Variants in ST3GAL3 observed in about 807,000 individuals in gnomAD.
ST3GAL3 encodes ST3 beta-galactoside alpha-2,3-sialyltransferase 3, also known as CMP-N-acetylneuraminate-beta-1,4-galactoside alpha-2,3-sialyltransferase.
A neutral mutation model predicts 50.1 loss-of-function variants in ST3GAL3; 21 were observed. The observed-to-expected ratio is 0.42, with a 90% CI of 0.30 to 0.60. The LOEUF is 0.60. Among genes scored for constraint, ST3GAL3 ranks in the 20% least tolerant of loss-of-function variants. The pLI, the probability that ST3GAL3 is intolerant of heterozygous loss-of-function variation, is 0.19. For synonymous variants in ST3GAL3, 183 were observed against 190.0 expected, an observed-to-expected ratio of 0.96 and a Z score of 0.30; for missense variants, 353 against 489.4, an observed-to-expected ratio of 0.72 and a Z score of 2.63.
chr1:43,864,424 C>T (rs972153462), intron 5 of ST3GAL3, among the ~76,000 whole-genome samples: 2 of 152,174 alleles, frequency 1.3e-5, no homozygotes, highest in Non-Finnish European at 2.9e-5. Context: ...GACACCTGTG[C>T]TGCCTATTGG....
At chr1:43,902,782 C>T (rs1195553133) in intron 9 of ST3GAL3, among the ~76,000 whole-genome samples, 2 of 152,186 alleles carry the variant, frequency 1.3e-5, no homozygotes, top group Non-Finnish European at 2.9e-5. Flanking sequence ...CTCAGAGGTG[C>T]CTCTGCAGTC....
At chr1:43,713,490 A>G (rs945285672) in intron 1 of ST3GAL3, among the ~76,000 whole-genome samples, 1 of 151,004 alleles carries the variant, frequency 6.6e-6, no homozygotes, top group African/African-American at 2.4e-5. Flanking sequence ...CTAGTCTTAA[A>G]TCTCACTACC....
intron 5 of ST3GAL3, among the ~76,000 whole-genome samples, chr1:43,854,285 T>A (rs899729821): frequency 3.3e-5 from 5 of 152,142 alleles, no homozygotes; most frequent in African/African-American, 1.2e-4. Flanking sequence ...CTCTCGCTTC[T>A]CTCCTCCTCA....
At chr1:43,873,090 A>G (rs1354275619) in intron 5 of ST3GAL3, among the ~76,000 whole-genome samples, 1 of 152,200 alleles carries the variant, frequency 6.6e-6, no homozygotes, top group Non-Finnish European at 1.5e-5. Context: ...GATTTGGAGC[A>G]GAGGAGTGAC....
intron 9 of ST3GAL3, among the ~76,000 whole-genome samples, chr1:43,906,050 C>G (rs558815219): frequency 8.3e-6 from 1 of 120,014 alleles, no homozygotes; most frequent in African/African-American, 3.2e-5. Context: ...CCCCCTCCCC[C>G]TCCTGCTCCT....
chr1:43,866,972 A>G (rs2071470444), intron 5 of ST3GAL3, among the ~76,000 whole-genome samples: 1 of 152,304 alleles, frequency 6.6e-6, no homozygotes, highest in African/African-American at 2.4e-5. Flanking sequence ...TCTACTAAAA[A>G]TACAAAAATT....
intron 5 of ST3GAL3, among the ~76,000 whole-genome samples, chr1:43,874,226 C>A (rs1570396265): frequency 6.6e-6 from 1 of 152,172 alleles, no homozygotes; most frequent in East Asian, 1.9e-4. Context: ...CCAGGCAAAT[C>A]ACAATGTATG....
At chr1:43,880,417 T>G (rs941717292) in intron 5 of ST3GAL3, among the ~76,000 whole-genome samples, 8 of 152,080 alleles carry the variant, frequency 5.3e-5, no homozygotes, top group Non-Finnish European at 1.2e-4. Context: ...CTCCTCCCTT[T>G]CCACGGAAAA....
intron 1 of ST3GAL3, among the ~76,000 whole-genome samples, chr1:43,710,820 C>G (rs1664358737): frequency 6.6e-6 from 1 of 152,188 alleles, no homozygotes; most frequent in South Asian, 2.1e-4. Flanking sequence ...TCTAGATGAG[C>G]TGTCTCTCTT....
chr1:43,870,756 G>A (rs1401000190), intron 5 of ST3GAL3, among the ~76,000 whole-genome samples: 1 of 152,096 alleles, frequency 6.6e-6, no homozygotes, highest in African/African-American at 2.4e-5. Context: ...CTTGAAGCTA[G>A]GGGGAGACAT....
At chr1:43,836,943 A>G (rs2064438260) in intron 4 of ST3GAL3, among the ~76,000 whole-genome samples, 1 of 139,352 alleles carries the variant, frequency 7.2e-6, no homozygotes, top group South Asian at 2.3e-4. Flanking sequence ...AGTCTTCTGA[A>G]AAATATGTAG....
intron 5 of ST3GAL3, among the ~76,000 whole-genome samples, chr1:43,886,831 C>A (rs989437486): frequency 2.6e-5 from 4 of 152,254 alleles, no homozygotes; most frequent in East Asian, 1.9e-4. Flanking sequence ...ATGGCCAGGA[C>A]GCTTTGTCGA....
chr1:43,792,756 G>A (rs183507949), intron 3 of ST3GAL3, among the ~76,000 whole-genome samples: 1 of 152,334 alleles, frequency 6.6e-6, no homozygotes, highest in Admixed American at 6.5e-5. Flanking sequence ...CCCAGACCCA[G>A]TGGAGCCTGG....
chr1:43,889,679 G>A (rs925174995), intron 5 of ST3GAL3, among the ~76,000 whole-genome samples: 4 of 152,186 alleles, frequency 2.6e-5, no homozygotes, highest in East Asian at 3.9e-4. Flanking sequence ...ATATGTATAC[G>A]TTAGGATCAA....
chr1:43,717,994 TC>T (rs1668246926), intron 1 of ST3GAL3, among the ~76,000 whole-genome samples: 1 of 151,872 alleles, frequency 6.6e-6, no homozygotes, highest in South Asian at 2.1e-4. Context: ...TGCCTCAGCC[TC>T]CCGAGTAGCT....
rs1462094503 is a variant in ST3GAL3 at position 43,899,206 on chromosome 1, G to A, written c.500G>A (p.Gly167Asp). 1 of 1,614,188 alleles carries A rather than the reference G, an allele frequency of 6.2e-7. No individual in the cohort carries two copies. The change falls in exon 8 of 12, where the codon GGC becomes GAC. Residue 167 changes from glycine (G) to aspartate (D), a missense_variant. Physicochemically the swap from Gly to Asp is moderately conservative, Grantham distance 94. Transcript: ENST00000347631. This position sits in a 1 kb window ranked among gnomAD's most constrained non-coding sequence, Gnocchi z 5.4. The stretch of plus-strand genomic sequence containing the variant: ...CGCTGCATCATCGTGGGCAATGGAG[G>A]CGTTCTTGCCAACAAGTCTCTGGGG... The part of the protein sequence containing the change: ...CRRCIIVGNG[G>D]VLANKSLGSR...
At chr1:43,901,945 C>G (rs2078348361) in intron 9 of ST3GAL3, among the ~76,000 whole-genome samples, 1 of 152,354 alleles carries the variant, frequency 6.6e-6, no homozygotes, top group Non-Finnish European at 1.5e-5. Flanking sequence ...GTGGCCTCAC[C>G]TCTCCCATCT....
chr1:43,722,438 A>T (rs1023434988), intron 1 of ST3GAL3, among the ~76,000 whole-genome samples: 5 of 152,184 alleles, frequency 3.3e-5, no homozygotes, highest in African/African-American at 1.2e-4. Flanking sequence ...CTGAGACTTT[A>T]CCCTAAAGAA....
intron 3 of ST3GAL3, among the ~76,000 whole-genome samples, chr1:43,797,544 C>A (rs1182926846): frequency 6.6e-6 from 1 of 152,100 alleles, no homozygotes. Context: ...AAAAAAACTG[C>A]ATGGTCTTAT....
Sources: allele counts gnomAD v4.1 joint callset (sites outside exome capture counted in the v4.1 genomes callset), GRCh38; gene constraint gnomAD v4.1.1; non-coding constraint Gnocchi (gnomAD v3.1); transcripts MANE v1.5; gene names NCBI Gene and HGNC (gene_info 2026-07-23, HGNC 2026-07-21).